The following ADAM22 variants were observed in gnomAD, a reference collection of about 807,000 sequenced individuals.
ADAM22 encodes the protein ADAM metallopeptidase domain 22.
A neutral mutation model predicts 144.6 loss-of-function variants in ADAM22; 65 were observed. The ratio of observed to expected loss-of-function variants is 0.45; its 90% CI spans 0.37 to 0.55. The LOEUF (loss-of-function observed/expected upper bound fraction) is 0.55, where lower values mean the gene tolerates loss of function less well. Ranked by LOEUF, ADAM22 falls within the 20% of genes least tolerant of loss-of-function variation. The probability of loss-of-function intolerance (pLI) is 0.00; values close to 1 mark genes in which losing one functional copy is unlikely to be tolerated. For missense variants in ADAM22, 974 were observed against 1,184.9 expected (o/e 0.82, Z 2.61); for synonymous variants, 391 against 412.6 (o/e 0.95, Z 0.63).
chr7:88,064,217 G>C (rs575673381), intron 3 of ADAM22, among the ~76,000 whole-genome samples: 1 of 152,186 alleles, frequency 6.6e-6, no homozygotes, highest in South Asian at 2.1e-4. Flanking sequence ...TAATGCTGAT[G>C]TAGCTACATA....
intron 2 of ADAM22, among the ~76,000 whole-genome samples, chr7:87,973,949 T>C (rs1352146204): frequency 1.3e-5 from 2 of 148,870 alleles, no homozygotes; most frequent in African/African-American, 5.0e-5. Context: ...GGGGTAGGGG[T>C]AGGGGGTGGG....
At chr7:87,960,960 T>G (rs1440999161) in intron 2 of ADAM22, among the ~76,000 whole-genome samples, 1 of 152,170 alleles carries the variant, frequency 6.6e-6, no homozygotes, top group Non-Finnish European at 1.5e-5. Context: ...AATTCTTTCT[T>G]CTGGGCTTAT....
intron 6 of ADAM22, among the ~76,000 whole-genome samples, chr7:88,115,506 G>A (rs1236833888): frequency 6.6e-6 from 1 of 152,072 alleles, no homozygotes; most frequent in East Asian, 1.9e-4. Flanking sequence ...CCTTCTCACT[G>A]TGTTCTCACA....
chr7:88,186,504 C>G (rs1848349543), intron 29 of ADAM22, 111 bp from the exon 30 acceptor site: 2 of 772,646 alleles, frequency 2.6e-6, no homozygotes, highest in Non-Finnish European at 4.6e-6. Context: ...GTTTATTTGC[C>G]ATGGTCACTT....
At chr7:88,007,304 G>A (rs1317772001) in intron 3 of ADAM22, among the ~76,000 whole-genome samples, 1 of 152,050 alleles carries the variant, frequency 6.6e-6, no homozygotes, top group Non-Finnish European at 1.5e-5. Flanking sequence ...AATCAATATC[G>A]TGAAAATGGC....
Position 88,186,627 on chromosome 7 carries a change from A to G in ADAM22, c.2676A>G (p.Pro892=), listed in dbSNP as rs779758725. 1.1e-4 allele frequency: 174 copies of G among 1,609,540 alleles called. No individual in the cohort carries two copies. Among genetic ancestry groups the G allele is most frequent in the Non-Finnish European group, 1.4e-4 (166 of 1,176,042 alleles). ...TTGCTTTCTGCAGGTATTTAAACCC[A>G]TGGTTCAAAAGAGACTATAATGTAG... ...PRSNSTEYLN[P]WFKRDYNVAK... The change falls in exon 30 of 32, where the codon CCA becomes CCG. Residue 892 remains proline (P), a synonymous_variant. Coordinates refer to ENST00000413139, the MANE Select transcript of ADAM22 (RefSeq NM_001324418.2).
chr7:88,163,297 G>T, intron 23 of ADAM22, 117 bp downstream of exon 23: 1 of 813,450 alleles, frequency 1.2e-6, no homozygotes, highest in Non-Finnish European at 1.8e-6. Flanking sequence ...ATTTCTAGTT[G>T]GTATATAAAT....
intron 2 of ADAM22, 72 bp from the exon 3 acceptor site, chr7:87,978,264 T>C: frequency 8.6e-7 from 1 of 1,162,540 alleles, no homozygotes; most frequent in Non-Finnish European, 1.3e-6. Flanking sequence ...TTTGAAATAA[T>C]CATAAGAAAG....
chr7:88,171,965 T>C (rs1416394912), intron 26 of ADAM22, among the ~76,000 whole-genome samples: 1 of 151,906 alleles, frequency 6.6e-6, no homozygotes, highest in South Asian at 2.1e-4. Flanking sequence ...GGAATTTATT[T>C]ATTACTGTTT....
At chr7:88,071,503 G>A (rs1812800670) in intron 3 of ADAM22, among the ~76,000 whole-genome samples, 1 of 151,320 alleles carries the variant, frequency 6.6e-6, no homozygotes, top group South Asian at 2.1e-4. Context: ...GCAGAGCTTG[G>A]ATGGAAAATT....
At chr7:88,143,867 G>A (rs777869906) in intron 15 of ADAM22, among the ~76,000 whole-genome samples, 101 of 152,286 alleles carry the variant, frequency 6.6e-4, no homozygotes, top group Admixed American at 1.6e-3. Flanking sequence ...ACTGAATTGC[G>A]AAGCAAATTG....
chr7:88,007,432 C>T (rs1404154732), intron 3 of ADAM22, among the ~76,000 whole-genome samples: 1 of 152,172 alleles, frequency 6.6e-6, no homozygotes. Flanking sequence ...AAAGAGCCCG[C>T]ATTGCCAAGT....
intron 3 of ADAM22, among the ~76,000 whole-genome samples, chr7:88,005,593 C>A (rs1396901711): frequency 1.3e-5 from 2 of 152,082 alleles, no homozygotes; most frequent in Non-Finnish European, 2.9e-5. Context: ...GACCAGTGAG[C>A]ACCTATTATA....
intron 2 of ADAM22, among the ~76,000 whole-genome samples, chr7:87,949,693 C>T (rs1844559692): frequency 6.6e-6 from 1 of 151,442 alleles, no homozygotes; most frequent in Non-Finnish European, 1.5e-5. Context: ...AGGACAACAA[C>T]CTTTTTTTTT....
intron 3 of ADAM22, among the ~76,000 whole-genome samples, chr7:88,022,792 G>A (rs1305952737): frequency 1.3e-5 from 2 of 151,904 alleles, no homozygotes; most frequent in Admixed American, 6.6e-5. Context: ...CTGTCTTCTG[G>A]CCAAATATTT....
At chr7:88,050,396 TCAAAAAAA>T (rs1247463646) in intron 3 of ADAM22, among the ~76,000 whole-genome samples, 1 of 137,044 alleles carries the variant, frequency 7.3e-6, no homozygotes, top group Non-Finnish European at 1.5e-5. Context: ...AGACCCTGTC[TCAAAAAAA>T]CAAAAAAAGG....
At chr7:88,011,817 C>T (rs866659397) in intron 3 of ADAM22, among the ~76,000 whole-genome samples, 16 of 151,592 alleles carry the variant, frequency 1.1e-4, no homozygotes, top group Middle Eastern at 6.8e-3. Context: ...AATGATACAC[C>T]TAGGTGTAGA....
intron 3 of ADAM22, among the ~76,000 whole-genome samples, chr7:88,011,567 C>T (rs552089063): frequency 6.9e-4 from 104 of 151,496 alleles, no homozygotes; most frequent in African/African-American, 2.2e-3. Context: ...AAAAACACTG[C>T]GTTTTTGTTC....
At chr7:88,088,645 A>G (rs1819047950) in intron 4 of ADAM22, among the ~76,000 whole-genome samples, 1 of 152,198 alleles carries the variant, frequency 6.6e-6, no homozygotes, top group South Asian at 2.1e-4. Flanking sequence ...CAGTGATAGA[A>G]AATTTCTTGC....
Sources: allele counts gnomAD v4.1 joint callset (sites outside exome capture counted in the v4.1 genomes callset), GRCh38; gene constraint gnomAD v4.1.1; transcripts MANE v1.5; gene names NCBI Gene and HGNC (gene_info 2026-07-23, HGNC 2026-07-21).